Variants in OXR1 observed in about 807,000 individuals in gnomAD.
OXR1 encodes the protein oxidation resistance protein 1.
A neutral mutation model predicts 104.6 loss-of-function variants in OXR1; 41 were observed. The observed-to-expected ratio is 0.39, with a 90% CI of 0.31 to 0.51. The LOEUF is 0.51. Among genes scored for constraint, OXR1 ranks in the 20% least tolerant of loss-of-function variants. OXR1 has a pLI of 0.77. For missense variants in OXR1, 955 were observed against 1,031.9 expected (o/e 0.93, Z 1.02); for synonymous variants, 348 against 348.4 (o/e 1.00, Z 0.01).
intron 1 of OXR1, among the ~76,000 whole-genome samples, chr8:106,336,362 A>G (rs775531589): frequency 5.3e-5 from 8 of 152,212 alleles, no homozygotes; most frequent in Non-Finnish European, 8.8e-5. Flanking sequence ...AGCAATTCCA[A>G]TGACAGATTC....
intron 2 of OXR1, among the ~76,000 whole-genome samples, chr8:106,449,657 T>C (rs1336115888): frequency 1.3e-5 from 2 of 152,202 alleles, no homozygotes; most frequent in Non-Finnish European, 2.9e-5. Flanking sequence ...TTCTTAAAAA[T>C]TAAAATAAAT....
At chr8:106,598,771 A>C (rs754554378) in intron 3 of OXR1, among the ~76,000 whole-genome samples, 1 of 152,238 alleles carries the variant, frequency 6.6e-6, no homozygotes, top group Non-Finnish European at 1.5e-5. Flanking sequence ...ATTCAGGATG[A>C]AATTTTAGTG....
intron 3 of OXR1, among the ~76,000 whole-genome samples, chr8:106,655,338 G>A (rs969548623): frequency 5.9e-5 from 9 of 151,658 alleles, no homozygotes; most frequent in Non-Finnish European, 1.2e-4. Context: ...AAAAGGTAGC[G>A]TGAAAAAGCA....
intron 3 of OXR1, among the ~76,000 whole-genome samples, chr8:106,673,679 A>T (rs1827272228): frequency 6.6e-6 from 1 of 152,078 alleles, no homozygotes; most frequent in African/African-American, 2.4e-5. Context: ...ACAGGCCTGG[A>T]GACTTAGGAA....
intron 2 of OXR1, among the ~76,000 whole-genome samples, chr8:106,460,589 A>C (rs948220041): frequency 6.6e-6 from 1 of 152,202 alleles, no homozygotes; most frequent in East Asian, 1.9e-4. Flanking sequence ...TGCCTGGGCA[A>C]AACCAGGTTC....
At chr8:106,644,213 A>C (rs1251389166) in intron 3 of OXR1, among the ~76,000 whole-genome samples, 1 of 152,208 alleles carries the variant, frequency 6.6e-6, no homozygotes, top group African/African-American at 2.4e-5. Flanking sequence ...TGTATTAAGA[A>C]AATACTTATT....
intron 1 of OXR1, among the ~76,000 whole-genome samples, chr8:106,284,091 G>T (rs902630705): frequency 1.3e-5 from 2 of 151,930 alleles, no homozygotes; most frequent in African/African-American, 4.8e-5. Context: ...TACAATAAGG[G>T]GTAAAGCAAA....
chr8:106,399,512 G>A (rs1817917779), intron 2 of OXR1, among the ~76,000 whole-genome samples: 1 of 152,120 alleles, frequency 6.6e-6, no homozygotes, highest in Non-Finnish European at 1.5e-5. Flanking sequence ...CTACAGTGAT[G>A]GATGTGAATA....
chr8:106,423,790 T>C (rs1013358061), intron 2 of OXR1, among the ~76,000 whole-genome samples: 31 of 152,220 alleles, frequency 2.0e-4, no homozygotes, highest in Admixed American at 2.0e-3. Context: ...ATGAATCTTA[T>C]CCTCCTTCAG....
chr8:106,704,231 T>C (rs185058178), intron 8 of OXR1, among the ~76,000 whole-genome samples: 1 of 151,978 alleles, frequency 6.6e-6, no homozygotes, highest in East Asian at 1.9e-4. Flanking sequence ...ATAAGGATTA[T>C]TGGGAGGTGG....
At chr8:106,532,670 A>G (rs1472266616) in intron 3 of OXR1, among the ~76,000 whole-genome samples, 1 of 152,218 alleles carries the variant, frequency 6.6e-6, no homozygotes, top group African/African-American at 2.4e-5. Context: ...ATTCATGACC[A>G]GCTAGAAATA....
chr8:106,672,403 C>A (rs542053494), intron 3 of OXR1, among the ~76,000 whole-genome samples: 1 of 151,696 alleles, frequency 6.6e-6, no homozygotes, highest in Non-Finnish European at 1.5e-5. Flanking sequence ...AGGAGAATTG[C>A]TTCAACCTGG....
chr8:106,732,172 C>A (rs1158117909), intron 11 of OXR1, among the ~76,000 whole-genome samples: 1 of 151,974 alleles, frequency 6.6e-6, no homozygotes, highest in Non-Finnish European at 1.5e-5. Context: ...CTTTCAAATT[C>A]CAAGTTTTCA....
At chr8:106,524,719 G>A (rs147582828) in intron 3 of OXR1, among the ~76,000 whole-genome samples, 71 of 152,248 alleles carry the variant, frequency 4.7e-4, no homozygotes, top group African/African-American at 1.5e-3. Flanking sequence ...TGAGCACACC[G>A]GTAAGCAAAA....
chr8:106,396,905 A>G (rs1817804060), intron 2 of OXR1, among the ~76,000 whole-genome samples: 1 of 152,120 alleles, frequency 6.6e-6, no homozygotes, highest in African/African-American at 2.4e-5. Context: ...TTTAAAAATA[A>G]AATTTTATTT....
intron 2 of OXR1, among the ~76,000 whole-genome samples, chr8:106,438,649 T>C (rs1278791501): frequency 6.6e-6 from 1 of 152,162 alleles, no homozygotes; most frequent in Admixed American, 6.6e-5. Context: ...AAAGTAGTGC[T>C]GTTCTCACAG....
At chr8:106,662,245 A>ATG (rs1484271055) in intron 3 of OXR1, among the ~76,000 whole-genome samples, 1 of 152,154 alleles carries the variant, frequency 6.6e-6, no homozygotes, top group Non-Finnish European at 1.5e-5. Context: ...TGTTACTGGT[A>ATG]TGTGTGTGTA....
At chr8:106,476,963 C>G (rs1426958227) in intron 2 of OXR1, among the ~76,000 whole-genome samples, 1 of 151,958 alleles carries the variant, frequency 6.6e-6, no homozygotes. Context: ...TGTTTGCCAA[C>G]AGAGCTGCAG....
intron 3 of OXR1, among the ~76,000 whole-genome samples, chr8:106,527,085 A>G (rs1813743350): frequency 6.6e-6 from 1 of 152,222 alleles, no homozygotes; most frequent in African/African-American, 2.4e-5. Context: ...TGAGACCATA[A>G]ACAAAGTAGT....
Sources: allele counts gnomAD v4.1 joint callset (sites outside exome capture counted in the v4.1 genomes callset), GRCh38; gene constraint gnomAD v4.1.1; transcripts MANE v1.5; gene names NCBI Gene and HGNC (gene_info 2026-07-23, HGNC 2026-07-21).